The following CCDC170 variants were observed in gnomAD, a reference collection of about 807,000 sequenced individuals.
The protein encoded by CCDC170 is coiled-coil domain containing 170.
Under a neutral mutation model 72.6 loss-of-function variants are expected in CCDC170, and 69 were observed. The ratio of observed to expected loss-of-function variants is 0.95; its 90% CI spans 0.78 to 1.16. The LOEUF (loss-of-function observed/expected upper bound fraction) is 1.16, where lower values mean the gene tolerates loss of function less well. Ranked by LOEUF, CCDC170 falls within the 50% of genes most tolerant of loss-of-function variation. The pLI is 0.00. For synonymous variants in CCDC170, 300 were observed against 303.9 expected (o/e 0.99, Z 0.13); for missense variants, 852 against 832.5 (o/e 1.02, Z -0.29).
intron 5 of CCDC170, among the ~76,000 whole-genome samples, chr6:151,564,964 C>T (rs1030124072): frequency 6.6e-6 from 1 of 152,044 alleles, no homozygotes; most frequent in Non-Finnish European, 1.5e-5. Flanking sequence ...GGTGGGGTTG[C>T]TTTTAGTGGC....
chr6:151,521,179 C>T (rs890493176), intron 1 of CCDC170, among the ~76,000 whole-genome samples: 20 of 152,162 alleles, frequency 1.3e-4, no homozygotes, highest in African/African-American at 4.8e-4. Context: ...CCTCCTGTTA[C>T]TCTCTTTATT....
chr6:151,601,684 G>A (rs1329029420), intron 9 of CCDC170, among the ~76,000 whole-genome samples: 3 of 152,166 alleles, frequency 2.0e-5, no homozygotes, highest in African/African-American at 7.2e-5. Flanking sequence ...CTGACAGACT[G>A]GAGACCCAGG....
Position 151,536,327 on chromosome 6 carries a change from G to C in CCDC170, c.67G>C (p.Asp23His), listed in dbSNP as rs781184695. Reference sequence around the variant, plus strand: ...GGGGGAATTCTACCAGGAAACTTACGATCATCTTTCGGAAGTCCCGGTCAC... The same window carrying C: ...GGGGGAATTCTACCAGGAAACTTACCATCATCTTTCGGAAGTCCCGGTCAC... ...AASPAPEETY[D>H]HLSEVPVTRE... The change falls in exon 2 of 11, where the codon GAT becomes CAT. Residue 23 changes from aspartate to histidine, a missense_variant. By Grantham distance (81) the Asp-to-His change is moderately conservative. Coordinates refer to ENST00000239374, the MANE Select transcript of CCDC170 (RefSeq NM_025059.4). The C allele has an allele frequency of 6.2e-7, 1 of 1,613,370 alleles. No homozygotes were observed. The highest frequency in any genetic ancestry group is 8.5e-7 in the Non-Finnish European group (1 of 1,179,386).
intron 1 of CCDC170, among the ~76,000 whole-genome samples, chr6:151,501,245 T>A (rs924898465): frequency 3.9e-4 from 60 of 152,018 alleles, no homozygotes; most frequent in African/African-American, 1.4e-3. Context: ...TTCAAAAGTG[T>A]CAAGGTCAGG....
intron 4 of CCDC170, among the ~76,000 whole-genome samples, chr6:151,546,146 G>C (rs1261199180): frequency 6.6e-6 from 1 of 152,116 alleles, no homozygotes; most frequent in Non-Finnish European, 1.5e-5. Flanking sequence ...TGTCCTCTCT[G>C]AAAGCCGCAA....
At chr6:151,533,613 G>C (rs1029382454) in intron 1 of CCDC170, among the ~76,000 whole-genome samples, 9 of 150,764 alleles carry the variant, frequency 6.0e-5, no homozygotes, top group Admixed American at 2.6e-4. Context: ...GTTGCAGTGA[G>C]CCGAGATTGT....
chr6:151,537,746 G>A (rs955957393), intron 2 of CCDC170, among the ~76,000 whole-genome samples: 8 of 152,174 alleles, frequency 5.3e-5, no homozygotes, highest in African/African-American at 1.9e-4. Context: ...TTTAGAAAAT[G>A]TGGACCATTG....
intron 1 of CCDC170, among the ~76,000 whole-genome samples, chr6:151,505,616 G>A (rs536355473): frequency 8.4e-4 from 128 of 152,074 alleles, no homozygotes; most frequent in Non-Finnish European, 1.2e-3. Flanking sequence ...CCCGGGAGGC[G>A]GAGCTTGCAG....
intron 2 of CCDC170, among the ~76,000 whole-genome samples, chr6:151,536,780 A>T (rs1240516221): frequency 2.7e-5 from 4 of 145,902 alleles, no homozygotes; most frequent in African/African-American, 1.0e-4. Flanking sequence ...TCTCAAAAAA[A>T]AAAAAAAAAA....
intron 10 of CCDC170, among the ~76,000 whole-genome samples, chr6:151,617,132 G>A (rs748543009): frequency 3.3e-5 from 5 of 152,170 alleles, no homozygotes; most frequent in Non-Finnish European, 7.3e-5. Context: ...CTAAAATGGA[G>A]GGTGCCTTTA....
At chr6:151,523,685 CAAA>C (rs11353679) in intron 1 of CCDC170, among the ~76,000 whole-genome samples, 5 of 115,594 alleles carry the variant, frequency 4.3e-5, no homozygotes, top group Admixed American at 1.8e-4. Context: ...GACTCTGTCT[CAAA>C]AAAAAAAAAA....
chr6:151,602,806 T>C (rs529935597), intron 9 of CCDC170, among the ~76,000 whole-genome samples: 84 of 151,610 alleles, frequency 5.5e-4, no homozygotes, highest in South Asian at 1.9e-3. Context: ...TTCTTTCTTT[T>C]TTTTTTTTTT....
intron 6 of CCDC170, among the ~76,000 whole-genome samples, chr6:151,574,424 C>T (rs1476436208): frequency 3.9e-5 from 6 of 152,094 alleles, no homozygotes; most frequent in African/African-American, 1.4e-4. Flanking sequence ...TTCTTATCTA[C>T]AGAAAGGGGT....
chr6:151,507,364 C>T (rs1237534521), intron 1 of CCDC170, among the ~76,000 whole-genome samples: 1 of 152,040 alleles, frequency 6.6e-6, no homozygotes, highest in Admixed American at 6.6e-5. Flanking sequence ...TGATCCCCAA[C>T]TTATGATGGT....
At chr6:151,548,064 C>A (rs1033522739) in intron 4 of CCDC170, among the ~76,000 whole-genome samples, 2 of 152,136 alleles carry the variant, frequency 1.3e-5, no homozygotes, top group African/African-American at 4.8e-5. Flanking sequence ...TGTGTTCCGT[C>A]GGGACACTTT....
chr6:151,591,737 T>C (rs892968087), intron 7 of CCDC170, among the ~76,000 whole-genome samples: 3 of 152,102 alleles, frequency 2.0e-5, no homozygotes, highest in Admixed American at 6.5e-5. Context: ...CCTTGTGATC[T>C]GCCCTCCTCG....
intron 2 of CCDC170, among the ~76,000 whole-genome samples, chr6:151,537,263 C>A (rs1181721197): frequency 6.6e-6 from 1 of 152,140 alleles, no homozygotes; most frequent in Non-Finnish European, 1.5e-5. Context: ...AGCCTGGTGG[C>A]CCCAAGGAGT....
At chr6:151,586,172 T>A in intron 7 of CCDC170, 83 bp downstream of exon 7, 1 of 1,420,998 alleles carries the variant, frequency 7.0e-7, no homozygotes, top group Non-Finnish European at 9.6e-7. Context: ...AATTTTACAG[T>A]ATTTAGTTTG....
chr6:151,545,904 G>C (rs1782763472), intron 4 of CCDC170, among the ~76,000 whole-genome samples: 1 of 152,090 alleles, frequency 6.6e-6, no homozygotes, highest in African/African-American at 2.4e-5. Context: ...GAAGTGCTGT[G>C]AGTACAGTTG....
Sources: allele counts gnomAD v4.1 joint callset (sites outside exome capture counted in the v4.1 genomes callset), GRCh38; gene constraint gnomAD v4.1.1; transcripts MANE v1.5; gene names NCBI Gene and HGNC (gene_info 2026-07-23, HGNC 2026-07-21).